Variants in TRIM44 observed in about 807,000 individuals in gnomAD.
TRIM44 encodes the protein tripartite motif containing 44.
TRIM44 carries 13 observed loss-of-function variants against 37.4 expected under a neutral mutation model. The ratio of observed to expected loss-of-function variants is 0.35; its 90% CI spans 0.23 to 0.55. TRIM44 has a LOEUF of 0.55. Among genes scored for constraint, TRIM44 ranks in the 20% least tolerant of loss-of-function variants. The pLI is 0.89. For missense variants in TRIM44, 426 were observed against 437.2 expected (o/e 0.97, Z 0.23); for synonymous variants, 175 against 157.2 (o/e 1.11, Z -0.85).
intron 3 of TRIM44, among the ~76,000 whole-genome samples, 159 bp downstream of exon 3, chr11:35,726,322 C>G (rs1852174738): frequency 6.6e-6 from 1 of 152,092 alleles, no homozygotes; most frequent in Non-Finnish European, 1.5e-5. Context: ...AAGTATTGGC[C>G]ACTAGTTTAC....
At chr11:35,717,020 A>G (rs1479305707) in intron 2 of TRIM44, among the ~76,000 whole-genome samples, 1 of 152,182 alleles carries the variant, frequency 6.6e-6, no homozygotes, top group Admixed American at 6.5e-5. Flanking sequence ...AGTGATAATG[A>G]ATGAGGAGGG....
At chr11:35,754,682 G>A (rs1417352307) in intron 4 of TRIM44, among the ~76,000 whole-genome samples, 2 of 134,544 alleles carry the variant, frequency 1.5e-5, no homozygotes, top group East Asian at 2.2e-4. Context: ...AGGCCCCGGT[G>A]TGTGATGGTC....
Position 35,760,287 on chromosome 11 carries a change from C to T in TRIM44, c.1007+24842C>T, listed in dbSNP as rs150875837. 4.5e-3 allele frequency among the ~76,000 whole-genome samples: 683 copies of T among 152,314 alleles called. 7 individuals are homozygous for T. Among genetic ancestry groups the T allele is most frequent in the African/African-American group, 0.015 (644 of 41,574 alleles). On this transcript the variant is annotated intron_variant, in intron 4 of 4. Transcript: ENST00000299413. ...GAGGCTCCGTGGGCGTAGGACCCTC[C>T]GAGCCAGGCATGGGATATAAAATCT...
intron 4 of TRIM44, among the ~76,000 whole-genome samples, chr11:35,747,766 C>T (rs1223810233): frequency 6.6e-6 from 1 of 152,110 alleles, no homozygotes; most frequent in Non-Finnish European, 1.5e-5. Flanking sequence ...CTGCCATTGC[C>T]TCTTCTGAAA....
At chr11:35,735,726 A>G (rs1346670195) in intron 4 of TRIM44, among the ~76,000 whole-genome samples, 2 of 152,176 alleles carry the variant, frequency 1.3e-5, no homozygotes, top group East Asian at 3.8e-4. Flanking sequence ...ATGGTAATGT[A>G]GTATCATTAT....
intron 4 of TRIM44, among the ~76,000 whole-genome samples, chr11:35,797,571 A>G (rs1853309599): frequency 6.6e-6 from 1 of 152,048 alleles, no homozygotes; most frequent in African/African-American, 2.4e-5. Context: ...GATAGTATCA[A>G]CCCTTGATAT....
chr11:35,734,540 C>T (rs1489748889), intron 3 of TRIM44, among the ~76,000 whole-genome samples: 1 of 152,132 alleles, frequency 6.6e-6, no homozygotes, highest in Non-Finnish European at 1.5e-5. Flanking sequence ...CCAGAATGTA[C>T]ATTCTCTATT....
At chr11:35,682,437 C>T (rs1394955862) in intron 1 of TRIM44, among the ~76,000 whole-genome samples, 1 of 152,128 alleles carries the variant, frequency 6.6e-6, no homozygotes, top group East Asian at 1.9e-4. Flanking sequence ...TCCATTTGGA[C>T]TCTTGCCCCA....
chr11:35,735,088 C>T (rs536868855), intron 3 of TRIM44, among the ~76,000 whole-genome samples: 5 of 152,152 alleles, frequency 3.3e-5, no homozygotes, highest in Non-Finnish European at 7.3e-5. Flanking sequence ...TTGTCTAAGA[C>T]GTGCCTCTAT....
chr11:35,782,733 CAT>C (rs1287237737), intron 4 of TRIM44, among the ~76,000 whole-genome samples: 1 of 152,184 alleles, frequency 6.6e-6, no homozygotes, highest in East Asian at 1.9e-4. Flanking sequence ...CCTTCTGTGT[CAT>C]ATGCTCAAGT....
chr11:35,759,405 T>C (rs1057378397), intron 4 of TRIM44, among the ~76,000 whole-genome samples: 2 of 152,060 alleles, frequency 1.3e-5, no homozygotes, highest in Admixed American at 1.3e-4. Context: ...ATTCGTCTAA[T>C]TTTTTTTCAA....
intron 2 of TRIM44, among the ~76,000 whole-genome samples, chr11:35,696,481 T>C (rs1851700132): frequency 6.6e-6 from 1 of 152,126 alleles, no homozygotes; most frequent in South Asian, 2.1e-4. Flanking sequence ...TACTCACTGA[T>C]AGAGTGAAGA....
chr11:35,701,074 G>A (rs537346759), intron 2 of TRIM44, among the ~76,000 whole-genome samples: 46 of 152,128 alleles, frequency 3.0e-4, no homozygotes, highest in African/African-American at 1.0e-3. Context: ...GAACAGGGCC[G>A]GGAAAGCATG....
chr11:35,711,432 A>C (rs3112059), intron 2 of TRIM44, among the ~76,000 whole-genome samples: 2 of 151,846 alleles, frequency 1.3e-5, no homozygotes, highest in South Asian at 2.1e-4. Context: ...ACCTTGGGCA[A>C]ATCTGTGCTT....
intron 2 of TRIM44, among the ~76,000 whole-genome samples, chr11:35,710,717 T>G (rs967589083): frequency 2.8e-4 from 42 of 152,238 alleles, no homozygotes; most frequent in African/African-American, 9.9e-4. Context: ...GAGACAACCC[T>G]GCAAATGGAG....
At chr11:35,746,442 C>G (rs1056557812) in intron 4 of TRIM44, among the ~76,000 whole-genome samples, 13 of 87,230 alleles carry the variant, frequency 1.5e-4, no homozygotes, top group Middle Eastern at 6.5e-3. Context: ...TTCCGGGGGT[C>G]CTTCTTTTTT....
intron 3 of TRIM44, among the ~76,000 whole-genome samples, chr11:35,732,187 A>G (rs982621396): frequency 3.9e-5 from 6 of 152,142 alleles, no homozygotes; most frequent in Non-Finnish European, 7.4e-5. Flanking sequence ...ACTTTTTGTT[A>G]TTTAATTAAA....
At chr11:35,668,974 A>G (rs1851362397) in intron 1 of TRIM44, among the ~76,000 whole-genome samples, 1 of 152,026 alleles carries the variant, frequency 6.6e-6, no homozygotes, top group Non-Finnish European at 1.5e-5. Context: ...AACTGTAGGC[A>G]TATTGATTGA....
At chr11:35,686,710 C>T (rs1286207488) in intron 2 of TRIM44, among the ~76,000 whole-genome samples, 1 of 152,120 alleles carries the variant, frequency 6.6e-6, no homozygotes, top group African/African-American at 2.4e-5. Context: ...GCACATGCCA[C>T]CACACCCAGC....
Sources: gnomAD v4.1 joint callset for allele counts (sites outside exome capture counted in the v4.1 genomes callset) on GRCh38, gnomAD v4.1.1 for gene constraint, MANE v1.5 for transcripts, NCBI Gene and HGNC (gene_info 2026-07-23, HGNC 2026-07-21) for gene names.